CDC27: variants seen among roughly 807,000 people sequenced by gnomAD.
CDC27 encodes cell division cycle protein 27 homolog.
CDC27 carries 27 observed loss-of-function variants against 109.7 expected under a neutral mutation model. That is an observed-to-expected ratio of 0.25 (90% CI 0.18 to 0.34). The LOEUF (loss-of-function observed/expected upper bound fraction) is 0.34, where lower values mean the gene tolerates loss of function less well. Ranked by LOEUF, CDC27 falls within the 10% of genes least tolerant of loss-of-function variation. The pLI, the probability that CDC27 is intolerant of heterozygous loss-of-function variation, is 1.00. For missense variants in CDC27, 579 were observed against 960.2 expected, an observed-to-expected ratio of 0.60 and a Z score of 5.25; for synonymous variants, 266 against 333.9, an observed-to-expected ratio of 0.80 and a Z score of 2.22.
chr17:47,170,359 A>T (rs2063778021), intron 3 of CDC27: 1 of 168,210 alleles, frequency 5.9e-6, no homozygotes, highest in Non-Finnish European at 1.3e-5. Context: ...CACCACACCC[A>T]GCTAATTTTT....
intron 3 of CDC27, among the ~76,000 whole-genome samples, chr17:47,171,635 T>C (rs2063814948): frequency 1.3e-5 from 2 of 152,172 alleles, no homozygotes; most frequent in Non-Finnish European, 2.9e-5. Flanking sequence ...GGTCTAACAC[T>C]GAAAGCAAAG....
At chr17:47,174,880 C>T (rs2063934001) in intron 2 of CDC27, among the ~76,000 whole-genome samples, 2 of 151,978 alleles carry the variant, frequency 1.3e-5, no homozygotes, top group African/African-American at 4.8e-5. Context: ...CACTTAAACC[C>T]GGGAGGCAGT....
intron 1 of CDC27, among the ~76,000 whole-genome samples, chr17:47,186,506 TA>T (rs1323756991): frequency 6.6e-6 from 1 of 152,222 alleles, no homozygotes; most frequent in Non-Finnish European, 1.5e-5. Flanking sequence ...GCTTCTTTTT[TA>T]AAAACCAATT....
intron 9 of CDC27, among the ~76,000 whole-genome samples, chr17:47,145,513 T>G (rs2062929662): frequency 1.3e-5 from 2 of 152,188 alleles, no homozygotes; most frequent in African/African-American, 4.8e-5. Context: ...AGGGATGTCT[T>G]TGTTATTCAT....
intron 4 of CDC27, among the ~76,000 whole-genome samples, chr17:47,167,566 A>G (rs569905906): frequency 9.8e-5 from 15 of 152,350 alleles, no homozygotes; most frequent in African/African-American, 3.6e-4. Flanking sequence ...GAACAATATA[A>G]TGCTCAAATT....
intron 2 of CDC27, among the ~76,000 whole-genome samples, chr17:47,176,041 G>A (rs182869263): frequency 9.9e-5 from 15 of 152,108 alleles, no homozygotes; most frequent in Middle Eastern, 3.4e-3. Context: ...AAAGGTTGCT[G>A]TTAGGATTAA....
At chr17:47,153,395 T>C (rs2063207743) in intron 8 of CDC27, among the ~76,000 whole-genome samples, 1 of 152,246 alleles carries the variant, frequency 6.6e-6, no homozygotes, top group African/African-American at 2.4e-5. Context: ...CATTTTGTTT[T>C]GCCTTCTTCA....
At chr17:47,184,729 C>T (rs2064364704) in intron 1 of CDC27, among the ~76,000 whole-genome samples, 1 of 152,178 alleles carries the variant, frequency 6.6e-6, no homozygotes, top group Non-Finnish European at 1.5e-5. Flanking sequence ...TCAATCAATT[C>T]TAAGTTCCTG....
chr17:47,176,856 C>T (rs2148986753), intron 2 of CDC27, among the ~76,000 whole-genome samples: 1 of 152,300 alleles, frequency 6.6e-6, no homozygotes, highest in Non-Finnish European at 1.5e-5. Flanking sequence ...CATTATTCCA[C>T]ATCTTTAGTA....
intron 2 of CDC27, among the ~76,000 whole-genome samples, chr17:47,173,890 C>G (rs1012764489): frequency 6.6e-6 from 1 of 152,090 alleles, no homozygotes; most frequent in African/African-American, 2.4e-5. Flanking sequence ...GTCAGGAATT[C>G]AAGCCCAGCC....
chr17:47,181,026 T>G (rs1598607027), intron 2 of CDC27, among the ~76,000 whole-genome samples: 2 of 136,926 alleles, frequency 1.5e-5, no homozygotes, highest in Admixed American at 7.5e-5. Flanking sequence ...CCAAGGCAGG[T>G]GGATCACCTA....
At chr17:47,132,932 C>A (rs987195941) in intron 14 of CDC27, among the ~76,000 whole-genome samples, 5 of 136,494 alleles carry the variant, frequency 3.7e-5, no homozygotes, top group African/African-American at 1.4e-4. Context: ...CGCCACCAGG[C>A]ATGGCTAATT....
Position 47,120,830 on chromosome 17 carries a change from G to A in CDC27, c.*105C>T, listed in dbSNP as rs1367429513. 2 of 778,046 alleles carry A rather than the reference G, an allele frequency of 2.6e-6. No individual in the cohort carries two copies. Among genetic ancestry groups the A allele is most frequent in the African/African-American group, 1.7e-5 (1 of 58,438 alleles). The allele number at this position is 778,046 out of a possible 1,614,324, so 48.2% of individuals were successfully genotyped here. A position where few individuals can be genotyped will look rare whatever the true frequency, so the allele number is the denominator to read the frequency against. On this transcript the variant is annotated 3_prime_UTR_variant, in exon 19 of 19. Transcript: ENST00000066544. Reference sequence around the variant, plus strand: ...TGGCACACTCATGGTATAAGTGACGGACGATGACACCGCCAGCTCAAGAGT... The same window carrying A: ...TGGCACACTCATGGTATAAGTGACGAACGATGACACCGCCAGCTCAAGAGT...
intron 12 of CDC27, among the ~76,000 whole-genome samples, chr17:47,140,984 C>T (rs2062776867): frequency 6.6e-6 from 1 of 152,130 alleles, no homozygotes; most frequent in African/African-American, 2.4e-5. Context: ...CCTCACCATG[C>T]TTCATTTTTC....
At position 47,126,897 on chromosome 17, in the gene CDC27, G is replaced by A. The variant is rs538390919; in HGVS notation, c.2160+2496C>T. On this transcript the variant is annotated intron_variant, in intron 16 of 18. Coordinates refer to ENST00000066544, the MANE Select transcript of CDC27 (RefSeq NM_001256.6). ...CAACCTCCGCCTCATGGGTTCAAGC[G>A]ATTCTCATGCCTCAGCCACTTGAGT... 3.3e-4 allele frequency among the ~76,000 whole-genome samples: 50 copies of A among 152,122 alleles called. 1 individual carries two copies. In the South Asian group the frequency reaches 9.8e-3, roughly 30 times the overall value.
At chr17:47,168,398 G>A (rs1050249604) in intron 4 of CDC27, among the ~76,000 whole-genome samples, 1 of 152,070 alleles carries the variant, frequency 6.6e-6, no homozygotes, top group Non-Finnish European at 1.5e-5. Context: ...AGGAAATGAG[G>A]TCAAAGACCA....
Position 47,181,478 on chromosome 17 carries a change from G to C in CDC27, c.103+84C>G, listed in dbSNP as rs1277771370. ...AAAAACAACAAGATGATGATAGCTA[G>C]AATCTTGTTACAGTGATAAAAAGTT... On this transcript the variant is annotated intron_variant, in intron 2 of 18. Transcript: ENST00000066544. 1.1e-5 allele frequency: 8 copies of C among 718,040 alleles called. No individual in the cohort carries two copies. In the East Asian group the frequency reaches 2.2e-4, roughly 19 times the overall value. 44.5% of individuals were successfully genotyped at this position (718,040 alleles called of 1,614,324 possible).
chr17:47,175,248 T>G (rs2063964209), intron 2 of CDC27, among the ~76,000 whole-genome samples: 1 of 152,190 alleles, frequency 6.6e-6, no homozygotes, highest in African/African-American at 2.4e-5. Context: ...AAAGGTAAAT[T>G]AGTCTTTCAA....
At chr17:47,173,282 CCA>C (rs1416840472) in intron 2 of CDC27, among the ~76,000 whole-genome samples, 3 of 151,638 alleles carry the variant, frequency 2.0e-5, no homozygotes, top group East Asian at 1.9e-4. Flanking sequence ...TTTTATGAAA[CCA>C]CAGTGTAAAA....
Sources: gnomAD v4.1 joint callset for allele counts (sites outside exome capture counted in the v4.1 genomes callset) on GRCh38, gnomAD v4.1.1 for gene constraint, MANE v1.5 for transcripts, NCBI Gene and HGNC (gene_info 2026-07-23, HGNC 2026-07-21) for gene names.